KCTD16: variants seen among roughly 807,000 people sequenced by gnomAD.
The protein encoded by KCTD16 is BTB/POZ domain-containing protein KCTD16.
A neutral mutation model predicts 33.2 loss-of-function variants in KCTD16; 13 were observed. The observed-to-expected ratio is 0.39, with a 90% CI of 0.25 to 0.62. The LOEUF (loss-of-function observed/expected upper bound fraction) is 0.62. KCTD16 is among the 20% of genes least tolerant of loss of function. KCTD16 has a pLI of 0.50. For synonymous variants in KCTD16, 197 were observed against 195.3 expected (o/e 1.01, Z -0.07); for missense variants, 441 against 525.1 (o/e 0.84, Z 1.57).
At chr5:144,278,668 T>G (rs935824080) in intron 3 of KCTD16, among the ~76,000 whole-genome samples, 3 of 151,804 alleles carry the variant, frequency 2.0e-5, no homozygotes, top group Admixed American at 1.3e-4. Flanking sequence ...CGGCTAATTT[T>G]TTGTATTTTT....
chr5:144,448,629 G>A (rs544575893), intron 3 of KCTD16, among the ~76,000 whole-genome samples: 1 of 152,196 alleles, frequency 6.6e-6, no homozygotes, highest in South Asian at 2.1e-4. Context: ...CATTAAAACA[G>A]CATTAGAGAC....
chr5:144,388,816 G>A (rs991091679), intron 3 of KCTD16, among the ~76,000 whole-genome samples: 1 of 152,138 alleles, frequency 6.6e-6, no homozygotes, highest in African/African-American at 2.4e-5. Flanking sequence ...CACTACTCGA[G>A]ACACAGAATA....
At chr5:144,223,142 G>T (rs181707359) in intron 3 of KCTD16, among the ~76,000 whole-genome samples, 283 of 152,238 alleles carry the variant, frequency 1.9e-3, no homozygotes, top group African/African-American at 6.6e-3. Flanking sequence ...AGGGTCTGTT[G>T]TGGGGTCGGG....
At position 144,237,668 on chromosome 5, in the gene KCTD16, CA is replaced by C. The variant is rs1297417620; in HGVS notation, c.832+30124del. On this transcript the variant is annotated intron_variant, in intron 3 of 3. Transcript: ENST00000512467. ...AGGGAAAAACAAAAAACAAAAACACCAACCACCAACAACAGTCCACGTCGTT... is the reference window on the plus strand; with the variant it reads ...AGGGAAAAACAAAAAACAAAAACACCACCACCAACAACAGTCCACGTCGTT... 1.1e-4 allele frequency among the ~76,000 whole-genome samples: 17 copies of C among 152,132 alleles called. No homozygotes were observed. In the East Asian group the frequency reaches 2.5e-3, roughly 23 times the overall value.
chr5:144,414,805 G>T (rs1160455963), intron 3 of KCTD16, among the ~76,000 whole-genome samples: 1 of 152,092 alleles, frequency 6.6e-6, no homozygotes, highest in Non-Finnish European at 1.5e-5. Context: ...ACACAATAAT[G>T]AACATTTGAC....
chr5:144,178,815 A>C (rs1256209971), intron 2 of KCTD16, among the ~76,000 whole-genome samples: 1 of 152,170 alleles, frequency 6.6e-6, no homozygotes, highest in Admixed American at 6.5e-5. Context: ...TAAATATTAT[A>C]ATACACTACA....
intron 3 of KCTD16, among the ~76,000 whole-genome samples, chr5:144,461,694 A>T (rs1754199078): frequency 1.3e-5 from 2 of 151,664 alleles, no homozygotes; most frequent in South Asian, 4.2e-4. Flanking sequence ...GAGAGACAAG[A>T]CTCCATGTGA....
At chr5:144,199,021 G>A (rs1164004673) in intron 2 of KCTD16, among the ~76,000 whole-genome samples, 1 of 151,956 alleles carries the variant, frequency 6.6e-6, no homozygotes, top group East Asian at 1.9e-4. Flanking sequence ...TTGCTTCAGG[G>A]TATTCCACAA....
chr5:144,316,285 C>T (rs528544668), intron 3 of KCTD16, among the ~76,000 whole-genome samples: 13 of 152,128 alleles, frequency 8.5e-5, no homozygotes, highest in East Asian at 7.7e-4. Context: ...AGAGGGAAAC[C>T]GAGCTTGTAG....
intron 3 of KCTD16, among the ~76,000 whole-genome samples, chr5:144,436,503 G>T (rs926717733): frequency 2.6e-5 from 4 of 152,034 alleles, no homozygotes; most frequent in Non-Finnish European, 4.4e-5. Context: ...AGAATAGCAG[G>T]TAGTTGGAGA....
At chr5:144,419,728 A>G (rs777789773) in intron 3 of KCTD16, among the ~76,000 whole-genome samples, 3 of 152,320 alleles carry the variant, frequency 2.0e-5, no homozygotes, top group Non-Finnish European at 4.4e-5. Flanking sequence ...GACACTGACT[A>G]CATATGGCTA....
At chr5:144,227,840 A>G (rs1000011600) in intron 3 of KCTD16, among the ~76,000 whole-genome samples, 6 of 152,240 alleles carry the variant, frequency 3.9e-5, no homozygotes, top group Non-Finnish European at 7.3e-5. Flanking sequence ...GGTGTGTTGT[A>G]TGAGCAAAAG....
chr5:144,454,273 T>C (rs376225004), intron 3 of KCTD16, among the ~76,000 whole-genome samples: 33 of 152,272 alleles, frequency 2.2e-4, no homozygotes, highest in African/African-American at 7.7e-4. Flanking sequence ...ACCTTCCATA[T>C]CTCTCATAAA....
At chr5:144,400,368 C>A (rs1752675372) in intron 3 of KCTD16, among the ~76,000 whole-genome samples, 1 of 152,124 alleles carries the variant, frequency 6.6e-6, no homozygotes, top group African/African-American at 2.4e-5. Context: ...CTCTGGAAGC[C>A]AATCAGGCAG....
chr5:144,352,874 C>G (rs574086719), intron 3 of KCTD16, among the ~76,000 whole-genome samples: 1 of 152,158 alleles, frequency 6.6e-6, no homozygotes, highest in African/African-American at 2.4e-5. Flanking sequence ...TGAATATCTT[C>G]GGCTCTGCTG....
intron 3 of KCTD16, among the ~76,000 whole-genome samples, chr5:144,331,619 T>C (rs566104833): frequency 6.6e-6 from 1 of 152,160 alleles, no homozygotes; most frequent in African/African-American, 2.4e-5. Flanking sequence ...CCCTATAGAT[T>C]TGAAGACTCT....
At chr5:144,387,370 C>CT (rs1024440242) in intron 3 of KCTD16, among the ~76,000 whole-genome samples, 1 of 152,058 alleles carries the variant, frequency 6.6e-6, no homozygotes, top group East Asian at 1.9e-4. Flanking sequence ...GAAGGAGCTC[C>CT]TTTTTTGAGA....
At chr5:144,189,231 G>A (rs1752789084) in intron 2 of KCTD16, among the ~76,000 whole-genome samples, 1 of 152,134 alleles carries the variant, frequency 6.6e-6, no homozygotes, top group African/African-American at 2.4e-5. Flanking sequence ...AGCAGGTCAC[G>A]CCTGTAATCC....
At chr5:144,286,478 A>G (rs940532378) in intron 3 of KCTD16, among the ~76,000 whole-genome samples, 1 of 152,184 alleles carries the variant, frequency 6.6e-6, no homozygotes, top group African/African-American at 2.4e-5. Context: ...GCAAGCCTTA[A>G]ATTGAGCTGC....
Sources: allele counts gnomAD v4.1 joint callset (sites outside exome capture counted in the v4.1 genomes callset), GRCh38; gene constraint gnomAD v4.1.1; transcripts MANE v1.5; gene names NCBI Gene and HGNC (gene_info 2026-07-23, HGNC 2026-07-21).